The following MTDH variants were observed in gnomAD, a reference collection of about 807,000 sequenced individuals.
MTDH encodes the protein metadherin, also known as protein LYRIC.
MTDH carries 34 observed loss-of-function variants against 72.7 expected under a neutral mutation model. The ratio of observed to expected loss-of-function variants is 0.47; its 90% CI spans 0.36 to 0.62. The LOEUF (loss-of-function observed/expected upper bound fraction) is 0.62, where lower values mean the gene tolerates loss of function less well. MTDH is among the 20% of genes least tolerant of loss of function. The pLI, the probability that MTDH is intolerant of heterozygous loss-of-function variation, is 0.00. For missense variants in MTDH, 677 were observed against 699.4 expected (o/e 0.97, Z 0.36); for synonymous variants, 266 against 268.9 (o/e 0.99, Z 0.10).
At chr8:97,691,296 T>G (rs1305246183) in intron 6 of MTDH, 108 bp downstream of exon 6, 1 of 739,854 alleles carries the variant, frequency 1.4e-6, no homozygotes, top group African/African-American at 1.8e-5. Context: ...TAAGTACTGC[T>G]CTGCAGAAAT....
At chr8:97,672,481 C>T (rs1812663015) in intron 2 of MTDH, among the ~76,000 whole-genome samples, 1 of 152,138 alleles carries the variant, frequency 6.6e-6, no homozygotes, top group African/African-American at 2.4e-5. Context: ...TTTCAAGTTT[C>T]CCTTTAAGGT....
Position 97,726,048 on chromosome 8 carries a change from G to A in MTDH, c.*1378G>A, listed in dbSNP as rs930045896. The A allele has an allele frequency of 6.6e-6, 1 of 152,588 alleles. No individual in the cohort carries two copies. Among genetic ancestry groups the A allele is most frequent in the Non-Finnish European group, 1.5e-5 (1 of 68,034 alleles). The allele number at this position is 152,588 out of a possible 1,614,324, so 9.5% of individuals were successfully genotyped here. On this transcript the variant is annotated 3_prime_UTR_variant, in exon 12 of 12. Transcript: ENST00000336273. ...TTTAACAGCTGTAACCAATGGTACT[G>A]ATCTATCCATCCAATGTTGTCATTA...
chr8:97,711,344 A>G (rs1814623395), intron 8 of MTDH, among the ~76,000 whole-genome samples: 1 of 151,574 alleles, frequency 6.6e-6, no homozygotes, highest in African/African-American at 2.4e-5. Context: ...AATTAAAAAA[A>G]AAAAAAAAAG....
intron 2 of MTDH, among the ~76,000 whole-genome samples, chr8:97,661,598 G>T (rs1259407257): frequency 6.6e-6 from 1 of 152,148 alleles, no homozygotes; most frequent in Admixed American, 6.6e-5. Flanking sequence ...TTTCTGTTGT[G>T]TTGGAAACAT....
intron 9 of MTDH, among the ~76,000 whole-genome samples, chr8:97,714,500 A>T (rs1586279699): frequency 6.6e-6 from 1 of 152,112 alleles, no homozygotes; most frequent in East Asian, 1.9e-4. Context: ...GCTACTGGGG[A>T]AGCTGAGGTG....
At chr8:97,694,433 G>A (rs1813743471) in intron 6 of MTDH, among the ~76,000 whole-genome samples, 1 of 152,064 alleles carries the variant, frequency 6.6e-6, no homozygotes, top group Non-Finnish European at 1.5e-5. Flanking sequence ...CCAGTCTCAG[G>A]TGATCCACCT....
Position 97,644,733 on chromosome 8 carries a change from C to T in MTDH, c.227C>T (p.Ala76Val). Residue 76 changes from alanine (A) to valine (V), a missense_variant, in exon 1 of 12, where the codon GCC becomes GTC. This residue lies in a region of MTDH where 467 missense variants were observed against 469.1 expected (regional missense o/e 1.00). Coordinates refer to ENST00000336273, the MANE Select transcript of MTDH (RefSeq NM_178812.4). ...GGCTACGGCTGGGCCGCGGCTTGCG[C>T]CGGCGCCCGCAAAAAGCGGAGGAGC... ...LLGYGWAAAC[A>V]GARKKRRSPP... is the part of the protein sequence containing the mutation. 6.3e-7 allele frequency: 1 copy of T among 1,578,018 alleles called. No individual in the cohort carries two copies. The highest frequency in any genetic ancestry group is 8.6e-7 in the Non-Finnish European group (1 of 1,168,556).
intron 1 of MTDH, among the ~76,000 whole-genome samples, chr8:97,651,435 C>T (rs1171986007): frequency 6.6e-6 from 1 of 152,032 alleles, no homozygotes; most frequent in Admixed American, 6.6e-5. Flanking sequence ...ACAAAAAGCA[C>T]CCAAAAAATG....
chr8:97,714,531 G>A (rs1814773656), intron 9 of MTDH, among the ~76,000 whole-genome samples: 1 of 151,604 alleles, frequency 6.6e-6, no homozygotes, highest in Non-Finnish European at 1.5e-5. Context: ...TTGAGCCCGG[G>A]AGGCAGAACT....
chr8:97,654,690 A>T (rs1294357059), intron 1 of MTDH, among the ~76,000 whole-genome samples: 1 of 151,956 alleles, frequency 6.6e-6, no homozygotes, highest in African/African-American at 2.4e-5. Flanking sequence ...CCCCACATGC[A>T]TTAGGTATTT....
At chr8:97,722,072 G>A (rs576844141) in intron 10 of MTDH, among the ~76,000 whole-genome samples, 1 of 152,156 alleles carries the variant, frequency 6.6e-6, no homozygotes, top group South Asian at 2.1e-4. Context: ...TTCTGAGTTG[G>A]TGGAAATGGA....
intron 9 of MTDH, among the ~76,000 whole-genome samples, chr8:97,714,708 T>C (rs957223655): frequency 6.6e-6 from 1 of 152,206 alleles, no homozygotes; most frequent in South Asian, 2.1e-4. Context: ...CTTCTTAAAA[T>C]ATTTGTATTC....
rs562506533 is a variant in MTDH, at chr8:97,661,007, G to A, written c.382-65G>A. 7.4e-5 allele frequency: 95 copies of A among 1,291,828 alleles called. No homozygotes were observed. The African/African-American group carries it at 8.2e-4, about 11-fold the overall frequency. 80.0% of individuals were successfully genotyped at this position (1,291,828 alleles called of 1,614,324 possible). On this transcript the variant is annotated intron_variant, in intron 1 of 11. Transcript: ENST00000336273. ...GATTGTAGTATATATGGTTTCCTGCGTATAAATCTTTGCACTGATCTGCTA... is the reference window on the plus strand; with the variant it reads ...GATTGTAGTATATATGGTTTCCTGCATATAAATCTTTGCACTGATCTGCTA...
At chr8:97,656,248 G>A (rs1433612417) in intron 1 of MTDH, among the ~76,000 whole-genome samples, 1 of 151,420 alleles carries the variant, frequency 6.6e-6, no homozygotes, top group Non-Finnish European at 1.5e-5. Context: ...TTGCAAGTTG[G>A]AATCAGTTTT....
chr8:97,655,255 A>G (rs1202024544), intron 1 of MTDH, among the ~76,000 whole-genome samples: 2 of 152,202 alleles, frequency 1.3e-5, no homozygotes, highest in African/African-American at 4.8e-5. Context: ...ATGTTATTGT[A>G]TACCTGTCTT....
intron 6 of MTDH, among the ~76,000 whole-genome samples, chr8:97,693,656 A>G (rs564181377): frequency 7.2e-5 from 11 of 151,954 alleles, no homozygotes; most frequent in African/African-American, 2.4e-4. Flanking sequence ...TCTTTTATGA[A>G]TTGTCTGTTC....
At chr8:97,647,937 C>G (rs1307467311) in intron 1 of MTDH, among the ~76,000 whole-genome samples, 1 of 149,638 alleles carries the variant, frequency 6.7e-6, no homozygotes, top group Non-Finnish European at 1.5e-5. Context: ...CAGCAAGACT[C>G]TGTCTCCTAA....
At chr8:97,681,579 C>T (rs1164043367) in intron 2 of MTDH, among the ~76,000 whole-genome samples, 1 of 150,596 alleles carries the variant, frequency 6.6e-6, no homozygotes, top group East Asian at 2.0e-4. Flanking sequence ...CTGCAACCTC[C>T]GCCTCCCGGG....
At chr8:97,656,229 C>T (rs1362057483) in intron 1 of MTDH, among the ~76,000 whole-genome samples, 1 of 151,488 alleles carries the variant, frequency 6.6e-6, no homozygotes, top group Non-Finnish European at 1.5e-5. Flanking sequence ...ACCTCAGATA[C>T]AGGTTCTTTT....
Sources: allele counts gnomAD v4.1 joint callset (sites outside exome capture counted in the v4.1 genomes callset), GRCh38; gene constraint gnomAD v4.1.1; regional missense constraint gnomAD v4.1.1; transcripts MANE v1.5; gene names NCBI Gene and HGNC (gene_info 2026-07-23, HGNC 2026-07-21).